The following PCDHGA3 variants were observed in gnomAD, a reference collection of about 807,000 sequenced individuals.
PCDHGA3 encodes protocadherin gamma subfamily A, 3.
A neutral mutation model predicts 58.5 loss-of-function variants in PCDHGA3; 40 were observed. The ratio of observed to expected loss-of-function variants is 0.68; its 90% CI spans 0.53 to 0.89. PCDHGA3 has a LOEUF of 0.89. Ranked by LOEUF, PCDHGA3 falls within the 40% of genes least tolerant of loss-of-function variation. The pLI, the probability that PCDHGA3 is intolerant of heterozygous loss-of-function variation, is 0.00. For missense variants in PCDHGA3, 1,223 were observed against 1,195.9 expected (o/e 1.02, Z -0.33); for synonymous variants, 530 against 525.7 (o/e 1.01, Z -0.11).
At chr5:141,410,266 G>A in intron 1 of PCDHGA3, 1 of 1,614,036 alleles carries the variant, frequency 6.2e-7, no homozygotes, top group South Asian at 1.1e-5. Context: ...AGGCTGAACT[G>A]CAGTTTTACC....
intron 1 of PCDHGA3, chr5:141,365,502 C>A (rs373907411): frequency 7.6e-5 from 122 of 1,613,800 alleles, no homozygotes; most frequent in Admixed American, 1.3e-4. Context: ...AGGAATTTGC[C>A]TTTTAAATTG....
At chr5:141,375,072 G>A in intron 1 of PCDHGA3, 8 of 1,614,044 alleles carry the variant, frequency 5.0e-6, no homozygotes, top group Non-Finnish European at 6.8e-6. Flanking sequence ...CTTCGAGACA[G>A]AGCGAAAGTC....
chr5:141,465,918 C>T lies in PCDHGA3; in HGVS notation c.2425-28889C>T, dbSNP rs34980831. On this transcript the variant is annotated intron_variant, in intron 1 of 3. Transcript: ENST00000253812. ...CGGGCAAATCACGAGGTCAGGATTT[C>T]GAGTCCATCCTGGCTAACATGGTGA... 2.0e-3 allele frequency among the ~76,000 whole-genome samples: 307 copies of T among 152,144 alleles called. 1 individual carries two copies. Among genetic ancestry groups the T allele is most frequent in the Middle Eastern group, 0.01 (3 of 294 alleles).
At chr5:141,360,595 C>T (rs972371698) in intron 1 of PCDHGA3, 2 of 1,614,020 alleles carry the variant, frequency 1.2e-6, no homozygotes, top group African/African-American at 1.3e-5. Context: ...AACATTTCCA[C>T]TTGACCCAGC....
chr5:141,510,553 A>C (rs1471878583), intron 3 of PCDHGA3, among the ~76,000 whole-genome samples: 1 of 152,162 alleles, frequency 6.6e-6, no homozygotes, highest in African/African-American at 2.4e-5. Context: ...TGTTTTGAGC[A>C]CTTACATCTA....
chr5:141,351,852 G>A (rs1234964574), intron 1 of PCDHGA3: 3 of 1,613,262 alleles, frequency 1.9e-6, no homozygotes, highest in Non-Finnish European at 8.5e-7. Flanking sequence ...CTGCAGGCCA[G>A]GGACCAGGGC....
intron 1 of PCDHGA3, chr5:141,383,273 A>C: frequency 6.2e-7 from 1 of 1,613,960 alleles, no homozygotes; most frequent in Non-Finnish European, 8.5e-7. Flanking sequence ...GAAATAATAG[A>C]TATTAATGAC....
At chr5:141,372,316 G>A (rs1188130035) in intron 1 of PCDHGA3, 6 of 1,613,520 alleles carry the variant, frequency 3.7e-6, no homozygotes, top group Non-Finnish European at 5.1e-6. Flanking sequence ...GCCCGCCAGC[G>A]CCTGCTGGTC....
chr5:141,395,542 TTGTGTGTGTGTGTGTGTGTGTGTGTG>T lies in PCDHGA3; in HGVS notation c.2424+49109_2424+49134del, dbSNP rs55729045. 7.0e-5 allele frequency: 12 copies of T among 172,630 alleles called. No homozygotes were observed. In the South Asian group the frequency reaches 8.7e-4, roughly 12 times the overall value. 10.7% of individuals were successfully genotyped at this position (172,630 alleles called of 1,614,324 possible). ...TCCATACTGGTAATTTTGCTATTGTTTGTGTGTGTGTGTGTGTGTGTGTGTGTGTGTGTGTGTGTGTGTGTGTGTAT... is the reference window on the plus strand; with the variant it reads ...TCCATACTGGTAATTTTGCTATTGTTTGTGTGTGTGTGTGTGTGTGTGTAT... On this transcript the variant is annotated intron_variant, in intron 1 of 3. Coordinates refer to ENST00000253812, the MANE Select transcript of PCDHGA3 (RefSeq NM_018916.4).
At chr5:141,430,986 C>T (rs549700048) in intron 1 of PCDHGA3, 3 of 1,613,762 alleles carry the variant, frequency 1.9e-6, no homozygotes, top group East Asian at 2.2e-5. Flanking sequence ...CAGCTTTTCG[C>T]CCTGAATCCG....
At chr5:141,460,912 GTA>G (rs34683754) in intron 1 of PCDHGA3, among the ~76,000 whole-genome samples, 12 of 149,310 alleles carry the variant, frequency 8.0e-5, no homozygotes, top group African/African-American at 7.4e-5. Flanking sequence ...ATTCCATGGT[GTA>G]TATATATATA....
chr5:141,399,310 A>G, intron 1 of PCDHGA3: 2 of 1,613,936 alleles, frequency 1.2e-6, no homozygotes, highest in Non-Finnish European at 1.7e-6. Context: ...CTCTTCATCC[A>G]AAAATTCGTA....
In PCDHGA3 at chr5:141,421,081, A is replaced by C. The variant is rs775366249; in HGVS notation, c.2425-73726A>C. 61 of 637,820 alleles carry C rather than the reference A, an allele frequency of 9.6e-5. 1 individual carries two copies. The Middle Eastern group carries it at 2.9e-3, about 31-fold the overall frequency. The allele number at this position is 637,820 out of a possible 1,614,324, so 39.5% of individuals were successfully genotyped here. ...ACAAAGCGGAATGAGATGGATACTCACAGATCCTGACACTGGAGACTTAGA... is the reference window on the plus strand; with the variant it reads ...ACAAAGCGGAATGAGATGGATACTCCCAGATCCTGACACTGGAGACTTAGA... On this transcript the variant is annotated intron_variant, in intron 1 of 3. Coordinates refer to ENST00000253812, the MANE Select transcript of PCDHGA3 (RefSeq NM_018916.4).
At chr5:141,415,275 G>T in intron 1 of PCDHGA3, 5 of 1,614,212 alleles carry the variant, frequency 3.1e-6, no homozygotes, top group Non-Finnish European at 4.2e-6. Flanking sequence ...TGGTGGTAGC[G>T]GTGGCCGCGG....
At chr5:141,430,575 A>G in intron 1 of PCDHGA3, 2 of 455,822 alleles carry the variant, frequency 4.4e-6, no homozygotes, top group East Asian at 3.5e-5. Flanking sequence ...AAAAGCGGAG[A>G]TCCTGCTCGC....
chr5:141,441,810 C>A, intron 1 of PCDHGA3: 1 of 372,576 alleles, frequency 2.7e-6, no homozygotes. Context: ...GGTGCTGTAC[C>A]CCAGCTCTGG....
At position 141,489,049 on chromosome 5, in the gene PCDHGA3, T is replaced by G; in HGVS notation, c.2425-5758T>G. 2.1e-6 allele frequency: 1 copy of G among 477,660 alleles called. No homozygotes were observed. Among genetic ancestry groups the G allele is most frequent in the Non-Finnish European group, 3.7e-6 (1 of 272,910 alleles). 29.6% of individuals were successfully genotyped at this position (477,660 alleles called of 1,614,324 possible). On this transcript the variant is annotated intron_variant, in intron 1 of 3. Transcript: ENST00000253812. The surrounding 1 kb of genome is among the most constrained non-coding windows in gnomAD (Gnocchi z 4.5). ...CTCCAGCTCCCCAGCTCCACTCAAA[T>G]TCAGCTCCCCTCCCCCCTGCCCACC... is the stretch of plus-strand genomic sequence containing the variant.
At chr5:141,398,544 G>A (rs1002395942) in intron 1 of PCDHGA3, 1 of 1,613,852 alleles carries the variant, frequency 6.2e-7, no homozygotes, top group Non-Finnish European at 8.5e-7. Flanking sequence ...ATTCCTTTGA[G>A]CTGCAAATAA....
intron 1 of PCDHGA3, chr5:141,410,657 G>A: frequency 1.9e-6 from 3 of 1,579,248 alleles, no homozygotes; most frequent in Non-Finnish European, 2.6e-6. Flanking sequence ...TTATCTAATA[G>A]TCTACTAGTT....
Sources: gnomAD v4.1 joint callset for allele counts (sites outside exome capture counted in the v4.1 genomes callset) on GRCh38, gnomAD v4.1.1 for gene constraint, Gnocchi (gnomAD v3.1) non-coding constraint, MANE v1.5 for transcripts, NCBI Gene and HGNC (gene_info 2026-07-23, HGNC 2026-07-21) for gene names.